Variants in MOB3B observed in about 807,000 individuals in gnomAD.
MOB3B encodes MOB kinase activator 3B.
MOB3B carries 7 observed loss-of-function variants against 18.7 expected under a neutral mutation model. That is an observed-to-expected ratio of 0.37 (90% confidence interval 0.21 to 0.70). The LOEUF (loss-of-function observed/expected upper bound fraction) is 0.70. Ranked by LOEUF, MOB3B falls within the 30% of genes least tolerant of loss-of-function variation. The probability of loss-of-function intolerance (pLI) is 0.52; values close to 1 mark genes in which losing one functional copy is unlikely to be tolerated. For synonymous variants in MOB3B, 111 were observed against 99.9 expected (o/e 1.11, Z -0.66); for missense variants, 253 against 281.3 (o/e 0.90, Z 0.72).
At chr9:27,493,149 G>T (rs529182784) in intron 1 of MOB3B, among the ~76,000 whole-genome samples, 216 of 152,176 alleles carry the variant, frequency 1.4e-3, no homozygotes, top group African/African-American at 4.9e-3. Context: ...GTTTTGTTTG[G>T]TTTTTTGAGA....
chr9:27,378,545 AGGACCGTGAAGGTGAG>A (rs1821524591), intron 2 of MOB3B: 1 of 470,998 alleles, frequency 2.1e-6, no homozygotes, highest in East Asian at 6.9e-5. Flanking sequence ...GCTTGGCCAA[AGGACCGTGAAGGTGAG>A]GGCCGGGGAT....
intron 2 of MOB3B, among the ~76,000 whole-genome samples, chr9:27,441,576 C>A (rs1587216918): frequency 6.6e-6 from 1 of 152,180 alleles, no homozygotes; most frequent in South Asian, 2.1e-4. Flanking sequence ...GGTTCTTGTC[C>A]CAGGTAGGAC....
chr9:27,450,003 A>AC (rs1246225779), intron 2 of MOB3B, among the ~76,000 whole-genome samples: 1 of 149,464 alleles, frequency 6.7e-6, no homozygotes, highest in Non-Finnish European at 1.5e-5. Context: ...AAAAAAAAAA[A>AC]CTTAAAATGT....
At chr9:27,388,804 A>C (rs1359588031) in intron 2 of MOB3B, among the ~76,000 whole-genome samples, 1 of 151,984 alleles carries the variant, frequency 6.6e-6, no homozygotes, top group Non-Finnish European at 1.5e-5. Context: ...CCCTTTCTCA[A>C]GCCAGAAACC....
chr9:27,372,300 A>G (rs1474110009), intron 2 of MOB3B, among the ~76,000 whole-genome samples: 1 of 152,250 alleles, frequency 6.6e-6, no homozygotes, highest in Non-Finnish European at 1.5e-5. Flanking sequence ...GTAGTTTTGC[A>G]TTATAACCTA....
chr9:27,455,870 G>T, intron 1 of MOB3B, 122 bp from the exon 2 acceptor site: 1 of 1,014,498 alleles, frequency 9.9e-7, no homozygotes, highest in Non-Finnish European at 1.3e-6. Flanking sequence ...AGGTATATGG[G>T]CATGGGGGTT....
chr9:27,369,302 A>G (rs536504800), intron 2 of MOB3B, among the ~76,000 whole-genome samples: 1 of 152,330 alleles, frequency 6.6e-6, no homozygotes, highest in Non-Finnish European at 1.5e-5. Flanking sequence ...TTTATTCCCC[A>G]GTAGAATCTT....
At chr9:27,460,166 G>A (rs1819260165) in intron 1 of MOB3B, among the ~76,000 whole-genome samples, 1 of 152,152 alleles carries the variant, frequency 6.6e-6, no homozygotes, top group African/African-American at 2.4e-5. Flanking sequence ...ATACTATAAA[G>A]TTCAATGCAC....
chr9:27,340,919 T>C (rs1432625675), intron 3 of MOB3B, among the ~76,000 whole-genome samples: 2 of 152,244 alleles, frequency 1.3e-5, no homozygotes, highest in Non-Finnish European at 2.9e-5. Context: ...TGGATTGGTT[T>C]CTGGCAGATG....
At chr9:27,358,777 C>T (rs1205524944) in intron 3 of MOB3B, 1 of 682,592 alleles carries the variant, frequency 1.5e-6, no homozygotes, top group African/African-American at 1.7e-5. Context: ...GTTAAAGCTA[C>T]TCCCTCTGAT....
intron 1 of MOB3B, among the ~76,000 whole-genome samples, chr9:27,501,604 G>A (rs1160188025): frequency 7.4e-6 from 1 of 134,668 alleles, no homozygotes. Flanking sequence ...CTGTCATGGG[G>A]TGGGGGGTGG....
At chr9:27,491,872 C>T (rs988919219) in intron 1 of MOB3B, among the ~76,000 whole-genome samples, 10 of 151,864 alleles carry the variant, frequency 6.6e-5, no homozygotes, top group African/African-American at 2.4e-4. Context: ...GACTCTGTCT[C>T]AACAACAACA....
At chr9:27,455,108 A>G (rs753722990) in intron 2 of MOB3B, 25 bp downstream of exon 2, 2 of 1,613,724 alleles carry the variant, frequency 1.2e-6, no homozygotes, top group Non-Finnish European at 1.7e-6. Flanking sequence ...GTGACAAAAA[A>G]ACTGAGAGCT....
intron 2 of MOB3B, among the ~76,000 whole-genome samples, chr9:27,371,667 G>A (rs1587162800): frequency 1.3e-5 from 2 of 152,202 alleles, no homozygotes; most frequent in East Asian, 1.9e-4. Flanking sequence ...ACATGAATGA[G>A]TAAAGTAGGC....
rs756275032 is a variant in MOB3B, at chr9:27,404,347, CTTTTTTT to C, written c.419-45118_419-45112del. Among the ~76,000 whole-genome samples the C allele has an allele frequency of 8.9e-3, 666 of 75,114 alleles. 1 individual carries two copies. Among genetic ancestry groups the C allele is most frequent in the Middle Eastern group, 0.021 (2 of 94 alleles). 49.3% of individuals were successfully genotyped at this position (75,114 alleles called of 152,430 possible). A position where few individuals can be genotyped will look rare whatever the true frequency, so the allele number is the denominator to read the frequency against. ...TCTTTCTTTCTTTCCTTCTTTCTTT[CTTTTTTT>C]TTTTTTTTTTTTTTTTTTTTGAGAC... On this transcript the variant is annotated intron_variant, in intron 2 of 3. Coordinates refer to ENST00000262244, the MANE Select transcript of MOB3B (RefSeq NM_024761.5).
intron 1 of MOB3B, among the ~76,000 whole-genome samples, chr9:27,465,871 G>C (rs997003247): frequency 6.6e-6 from 1 of 152,160 alleles, no homozygotes; most frequent in East Asian, 1.9e-4. Flanking sequence ...AAGTTCCTAG[G>C]CTGCATACAG....
chr9:27,469,859 G>GAGGATC (rs1371784907), intron 1 of MOB3B, among the ~76,000 whole-genome samples: 1 of 152,072 alleles, frequency 6.6e-6, no homozygotes, highest in African/African-American at 2.4e-5. Context: ...GCCAAGGCAG[G>GAGGATC]AGGATCGCTT....
intron 2 of MOB3B, among the ~76,000 whole-genome samples, chr9:27,431,972 T>A (rs139473224): frequency 1.8e-3 from 276 of 152,298 alleles, no homozygotes; most frequent in African/African-American, 6.4e-3. Context: ...AAATGAATAT[T>A]GGCCTGGGAA....
At chr9:27,427,310 G>A (rs754627714) in intron 2 of MOB3B, among the ~76,000 whole-genome samples, 9 of 152,186 alleles carry the variant, frequency 5.9e-5, no homozygotes, top group Admixed American at 1.3e-4. Context: ...TTCCCAAAGA[G>A]CATCTGGTTA....
Sources: allele counts gnomAD v4.1 joint callset (sites outside exome capture counted in the v4.1 genomes callset), GRCh38; gene constraint gnomAD v4.1.1; transcripts MANE v1.5; gene names NCBI Gene and HGNC (gene_info 2026-07-23, HGNC 2026-07-21).